AGBL1: variants seen among roughly 807,000 people sequenced by gnomAD.
AGBL1 encodes cytosolic carboxypeptidase 4.
Under a neutral mutation model 118.9 loss-of-function variants are expected in AGBL1, and 130 were observed. That is an observed-to-expected ratio of 1.09 (90% confidence interval 0.95 to 1.26). AGBL1 has a LOEUF of 1.26. Among genes scored for constraint, AGBL1 ranks in the 50% most tolerant of loss-of-function variants. The probability of loss-of-function intolerance (pLI) is 0.00; values close to 1 mark genes in which losing one functional copy is unlikely to be tolerated. For synonymous variants in AGBL1, 555 were observed against 478.9 expected (o/e 1.16, Z -2.08); for missense variants, 1,584 against 1,298.1 (o/e 1.22, Z -3.38).
intron 24 of AGBL1, among the ~76,000 whole-genome samples, chr15:87,002,136 A>G (rs1473775123): frequency 1.3e-5 from 2 of 151,994 alleles, no homozygotes; most frequent in Non-Finnish European, 2.9e-5. Context: ...TCTTTAATCC[A>G]TCTTGAATTA....
At chr15:86,140,203 A>G (rs1262139928) in intron 1 of AGBL1, 1 of 151,728 alleles carries the variant, frequency 6.6e-6, no homozygotes, top group East Asian at 1.9e-4. Context: ...TGATTTTTTC[A>G]ATTAATTAAT....
At chr15:86,356,492 T>C (rs896393643) in intron 17 of AGBL1, among the ~76,000 whole-genome samples, 1 of 151,728 alleles carries the variant, frequency 6.6e-6, no homozygotes, top group African/African-American at 2.4e-5. Context: ...ATAATAAGGG[T>C]GGCCTTGTTT....
intron 5 of AGBL1, among the ~76,000 whole-genome samples, chr15:86,223,262 G>A (rs1046123977): frequency 2.0e-5 from 3 of 152,150 alleles, no homozygotes; most frequent in African/African-American, 7.2e-5. Context: ...TTAGAAATGC[G>A]ATCCTTAGAG....
At chr15:86,441,319 G>C (rs1016201313) in intron 18 of AGBL1, among the ~76,000 whole-genome samples, 1 of 152,124 alleles carries the variant, frequency 6.6e-6, no homozygotes, top group Non-Finnish European at 1.5e-5. Flanking sequence ...TTGACCTAGT[G>C]TTTTTCCTTT....
At chr15:86,387,136 T>C (rs1192608939) in intron 17 of AGBL1, among the ~76,000 whole-genome samples, 1 of 152,150 alleles carries the variant, frequency 6.6e-6, no homozygotes, top group Non-Finnish European at 1.5e-5. Context: ...GTTGCATAGA[T>C]GATGTTACAT....
chr15:86,083,109 T>C (rs1319543137), intron 1 of AGBL1, among the ~76,000 whole-genome samples: 1 of 152,166 alleles, frequency 6.6e-6, no homozygotes, highest in African/African-American at 2.4e-5. Context: ...CCTCGTTGAG[T>C]ATGCAGTGGA....
exon 25 of AGBL1, chr15:87,029,047 C>T: frequency 1.9e-6 from 1 of 524,998 alleles, no homozygotes. Flanking sequence ...ATAGACTCCA[C>T]CTATTTGGTT....
intron 21 of AGBL1, among the ~76,000 whole-genome samples, chr15:86,660,619 T>A (rs1027485379): frequency 3.3e-5 from 5 of 152,182 alleles, no homozygotes; most frequent in African/African-American, 4.8e-5. Flanking sequence ...CATTATTTTT[T>A]AATTTACTTA....
At chr15:86,694,977 G>A (rs1206740652) in intron 22 of AGBL1, among the ~76,000 whole-genome samples, 2 of 151,990 alleles carry the variant, frequency 1.3e-5, no homozygotes, top group East Asian at 3.9e-4. Flanking sequence ...TTTTTAATAT[G>A]CTGTTGGATT....
At chr15:86,800,958 C>T (rs142173327) in intron 22 of AGBL1, among the ~76,000 whole-genome samples, 102 of 152,188 alleles carry the variant, frequency 6.7e-4, no homozygotes, top group Middle Eastern at 3.4e-3. Context: ...GAAATATCAA[C>T]TAAAGATTAG....
At chr15:86,579,189 G>T (rs2084139646) in intron 21 of AGBL1, among the ~76,000 whole-genome samples, 1 of 152,112 alleles carries the variant, frequency 6.6e-6, no homozygotes, top group East Asian at 1.9e-4. Flanking sequence ...TCAAAAAGCT[G>T]GGACAAGCAG....
intron 22 of AGBL1, among the ~76,000 whole-genome samples, chr15:86,793,795 T>C (rs1300106376): frequency 6.6e-6 from 1 of 152,132 alleles, no homozygotes; most frequent in African/African-American, 2.4e-5. Context: ...ACGAAAGTCT[T>C]GAGTAGACTT....
chr15:86,338,703 T>C (rs1449155289), intron 17 of AGBL1, among the ~76,000 whole-genome samples: 3 of 152,094 alleles, frequency 2.0e-5, no homozygotes, highest in Non-Finnish European at 2.9e-5. Flanking sequence ...CAAGGATGAC[T>C]CCCAGGATAA....
chr15:86,656,321 TAGAA>T (rs1306273087), intron 21 of AGBL1, among the ~76,000 whole-genome samples: 6 of 152,204 alleles, frequency 3.9e-5, no homozygotes, highest in East Asian at 1.9e-4. Context: ...CTAGCATTAT[TAGAA>T]AGAAAGAGCA....
At position 86,827,398 on chromosome 15, in the gene AGBL1, CATATATATATGTGTAT is replaced by C. The variant is rs1596525105; in HGVS notation, c.3159-79678_3159-79663del. ...ATATATATATACACATATATATATA[CATATATATATGTGTAT>C]ATATATATATATATACACATATATA... On this transcript the variant is annotated intron_variant, in intron 22 of 22. Coordinates refer to ENST00000614907, the MANE Select transcript of AGBL1 (RefSeq NM_001386094.1). Among the ~76,000 whole-genome samples the C allele has an allele frequency of 4.8e-3, 17 of 3,572 alleles. 2 individuals are homozygous for C. The highest frequency in any genetic ancestry group is 0.11 in the East Asian group (2 of 18). 2.3% of individuals were successfully genotyped at this position (3,572 alleles called of 152,430 possible). A position where few individuals can be genotyped will look rare whatever the true frequency, so the allele number is the denominator to read the frequency against.
intron 24 of AGBL1, among the ~76,000 whole-genome samples, chr15:87,004,100 T>C (rs2081471061): frequency 6.6e-6 from 1 of 152,222 alleles, no homozygotes; most frequent in Admixed American, 6.5e-5. Context: ...CTTGTGGGCA[T>C]TTAGTGCCAT....
chr15:86,911,124 CA>C lies in AGBL1; in HGVS notation c.*3834del. 1 of 152,320 alleles carries C rather than the reference CA, an allele frequency of 6.6e-6. No homozygotes were observed. 9.4% of individuals were successfully genotyped at this position (152,320 alleles called of 1,614,324 possible). On this transcript the variant is annotated 3_prime_UTR_variant, in exon 23 of 23. Transcript: ENST00000614907. ...GCCATAATGGGAAGCAAATGTGGTC[CA>C]AAATGTGCAGAGGAGAGAGGAGAGT... is the stretch of plus-strand genomic sequence containing the variant.
chr15:86,522,128 A>G (rs942748749), intron 18 of AGBL1, among the ~76,000 whole-genome samples: 2 of 152,192 alleles, frequency 1.3e-5, no homozygotes, highest in African/African-American at 4.8e-5. Flanking sequence ...GTACTTTTGA[A>G]TACGAACATC....
intron 22 of AGBL1, among the ~76,000 whole-genome samples, chr15:86,888,612 C>T (rs779742661): frequency 6.6e-6 from 1 of 151,996 alleles, no homozygotes; most frequent in Non-Finnish European, 1.5e-5. Context: ...TAAAGCTCAG[C>T]GTGAGGGGAT....
Sources: gnomAD v4.1 joint callset for allele counts (sites outside exome capture counted in the v4.1 genomes callset) on GRCh38, gnomAD v4.1.1 for gene constraint, MANE v1.5 for transcripts, NCBI Gene and HGNC (gene_info 2026-07-23, HGNC 2026-07-21) for gene names.